Variants in NAV2 observed in about 807,000 individuals in gnomAD.
The protein encoded by NAV2 is helicase, APC down-regulated 1.
A neutral mutation model predicts 223.2 loss-of-function variants in NAV2; 54 were observed. The observed-to-expected ratio is 0.24, with a 90% CI of 0.19 to 0.30. The LOEUF (loss-of-function observed/expected upper bound fraction) is 0.30. Among genes scored for constraint, NAV2 ranks in the 10% least tolerant of loss-of-function variants. NAV2 has a pLI of 1.00. For missense variants in NAV2, 2,806 were observed against 3,147.5 expected, an observed-to-expected ratio of 0.89 and a Z score of 2.60; for synonymous variants, 1,279 against 1,239.3, an observed-to-expected ratio of 1.03 and a Z score of -0.67.
intron 1 of NAV2, among the ~76,000 whole-genome samples, chr11:19,352,420 C>T (rs901375414): frequency 6.6e-6 from 1 of 152,232 alleles, no homozygotes; most frequent in Non-Finnish European, 1.5e-5. Context: ...AGATAATATG[C>T]AATTATGATG....
At chr11:19,897,794 A>G (rs2042105655) in intron 6 of NAV2, among the ~76,000 whole-genome samples, 1 of 151,392 alleles carries the variant, frequency 6.6e-6, no homozygotes, top group Non-Finnish European at 1.5e-5. Context: ...TGTTTGTTGT[A>G]TCATCATTGC....
intron 1 of NAV2, among the ~76,000 whole-genome samples, chr11:19,674,000 G>A (rs1000290564): frequency 6.6e-6 from 1 of 152,142 alleles, no homozygotes; most frequent in African/African-American, 2.4e-5. Flanking sequence ...GCCTTTTATG[G>A]CCATGGAGCT....
At chr11:19,718,264 C>T (rs926073303) in intron 1 of NAV2, among the ~76,000 whole-genome samples, 22 of 152,300 alleles carry the variant, frequency 1.4e-4, no homozygotes, top group Non-Finnish European at 2.9e-4. Flanking sequence ...CTCTGGCTGA[C>T]CTTCAGATAA....
chr11:19,834,201 AT>A (rs1231508146), intron 2 of NAV2, among the ~76,000 whole-genome samples: 2 of 152,016 alleles, frequency 1.3e-5, no homozygotes, highest in African/African-American at 2.4e-5. Context: ...CTTCATCATT[AT>A]TGTCCAAAGC....
intron 1 of NAV2, among the ~76,000 whole-genome samples, chr11:19,689,729 C>T (rs2049114657): frequency 6.6e-6 from 1 of 152,184 alleles, no homozygotes; most frequent in African/African-American, 2.4e-5. Context: ...AATCAGCTTG[C>T]CCGTTCACTG....
At chr11:20,089,198 T>G (rs1183184294) in intron 26 of NAV2, among the ~76,000 whole-genome samples, 1 of 152,190 alleles carries the variant, frequency 6.6e-6, no homozygotes, top group Non-Finnish European at 1.5e-5. Flanking sequence ...TTTCAGGAGT[T>G]CTTTGGGTTT....
At chr11:19,438,537 A>G (rs4757809) in intron 1 of NAV2, among the ~76,000 whole-genome samples, 23,120 of 152,190 alleles carry the variant, frequency 0.15, 2,315 homozygotes, top group Non-Finnish European at 0.22. Flanking sequence ...ACCAATTTTC[A>G]TACTCTCCAG....
At chr11:19,930,605 G>A (rs1385460165) in intron 6 of NAV2, among the ~76,000 whole-genome samples, 1 of 152,110 alleles carries the variant, frequency 6.6e-6, no homozygotes, top group Non-Finnish European at 1.5e-5. Flanking sequence ...ACTCCATGAA[G>A]GCAGAGATTT....
chr11:19,448,602 G>A (rs973556216), intron 1 of NAV2, among the ~76,000 whole-genome samples: 1 of 152,186 alleles, frequency 6.6e-6, no homozygotes, highest in Non-Finnish European at 1.5e-5. Context: ...TTTGTTTTAC[G>A]AGGTCTGGGC....
At chr11:19,474,129 G>C (rs2632035) in intron 1 of NAV2, among the ~76,000 whole-genome samples, 122,960 of 152,164 alleles carry the variant, frequency 0.81, 49,844 homozygotes, top group Non-Finnish European at 0.85. Flanking sequence ...AGAAATTGGG[G>C]TTCTAGCCTA....
intron 11 of NAV2, among the ~76,000 whole-genome samples, chr11:20,034,610 G>C (rs550720858): frequency 1.3e-5 from 2 of 152,326 alleles, no homozygotes; most frequent in East Asian, 3.9e-4. Context: ...TCGAACTCCT[G>C]ACCTCAGGTG....
chr11:19,590,943 C>T (rs1004237276), intron 1 of NAV2, among the ~76,000 whole-genome samples: 1 of 152,186 alleles, frequency 6.6e-6, no homozygotes, highest in South Asian at 2.1e-4. Flanking sequence ...TTTGTCTCCA[C>T]TTCAATACAG....
At chr11:19,756,528 A>G (rs1312628719) in intron 1 of NAV2, among the ~76,000 whole-genome samples, 1 of 152,182 alleles carries the variant, frequency 6.6e-6, no homozygotes, top group African/African-American at 2.4e-5. Context: ...AACCCCCAGG[A>G]ATCTGATTGG....
At chr11:20,080,234 G>A (rs1173006626) in intron 25 of NAV2, 25 bp downstream of exon 25, 4 of 1,606,480 alleles carry the variant, frequency 2.5e-6, no homozygotes, top group Non-Finnish European at 2.6e-6. Context: ...ACTCTCCTGG[G>A]GACTGACGGA....
intron 1 of NAV2, among the ~76,000 whole-genome samples, chr11:19,704,729 G>A (rs1362817952): frequency 6.6e-6 from 1 of 152,094 alleles, no homozygotes; most frequent in Non-Finnish European, 1.5e-5. Flanking sequence ...AAGAAGAATA[G>A]AGGCCGGGCG....
intron 10 of NAV2, among the ~76,000 whole-genome samples, chr11:19,975,880 A>G (rs1239025883): frequency 1.3e-5 from 2 of 152,210 alleles, no homozygotes; most frequent in Admixed American, 1.3e-4. Flanking sequence ...TGAATTTTGC[A>G]CATATGTGAG....
Position 19,933,386 on chromosome 11 carries a change from C to G in NAV2, c.1142C>G (p.Pro381Arg). 1.3e-6 allele frequency: 2 copies of G among 1,585,082 alleles called. No homozygotes were observed. The highest frequency in any genetic ancestry group is 1.7e-6 in the Non-Finnish European group (2 of 1,164,884). Reference sequence around the variant, plus strand: ...ATGCTCTCGGTCAAGCCTCCTGGGCCTGAGGCCCCCAGGCCCACACCTGAA... The same window carrying G: ...ATGCTCTCGGTCAAGCCTCCTGGGCGTGAGGCCCCCAGGCCCACACCTGAA... ...VSMLSVKPPG[P>R]EAPRPTPEAM... is the part of the protein sequence containing the mutation. Residue 381 changes from proline (P) to arginine (R), a missense_variant, in exon 7 of 38, where the codon CCT (proline) becomes CGT (arginine). Transcript: ENST00000349880. The surrounding 1 kb of genome is among the most constrained non-coding windows in gnomAD (Gnocchi z 4.3).
chr11:19,606,936 C>T (rs2046488342), intron 1 of NAV2, among the ~76,000 whole-genome samples: 1 of 152,200 alleles, frequency 6.6e-6, no homozygotes, highest in Admixed American at 6.5e-5. Context: ...TGCATTTTAA[C>T]AGGATCTCCA....
intron 6 of NAV2, among the ~76,000 whole-genome samples, chr11:19,927,640 T>C (rs1461309248): frequency 6.6e-6 from 1 of 151,670 alleles, no homozygotes; most frequent in Non-Finnish European, 1.5e-5. Context: ...TGAGCCGAGA[T>C]TGCACCAGTG....
Sources: gnomAD v4.1 joint callset for allele counts (sites outside exome capture counted in the v4.1 genomes callset) on GRCh38, gnomAD v4.1.1 for gene constraint, Gnocchi (gnomAD v3.1) non-coding constraint, MANE v1.5 for transcripts, NCBI Gene and HGNC (gene_info 2026-07-23, HGNC 2026-07-21) for gene names.